FBXO8: variants seen among roughly 807,000 people sequenced by gnomAD.
FBXO8 encodes the protein F-box only protein 8.
Under a neutral mutation model 33.4 loss-of-function variants are expected in FBXO8, and 15 were observed. That is an observed-to-expected ratio of 0.45 (90% CI 0.30 to 0.69). FBXO8 has a LOEUF of 0.69. FBXO8 is among the 30% of genes least tolerant of loss of function. The pLI is 0.08. For missense variants in FBXO8, 274 were observed against 380.3 expected (o/e 0.72, Z 2.32); for synonymous variants, 132 against 131.5 (o/e 1.00, Z -0.02).
rs1314101484 is a variant in FBXO8 at position 174,277,458 on chromosome 4, T to A, written c.-9+5952A>T. On this transcript the variant is annotated intron_variant, in intron 1 of 5. Transcript: ENST00000393674. This position sits in a 1 kb window ranked among gnomAD's most constrained non-coding sequence, Gnocchi z 4.9. ...TGGCACTAAGCACTCAAATGGCACA[T>A]GCTGTGCAGACAATAAGTAATGAAG... Among the ~76,000 whole-genome samples the A allele has an allele frequency of 6.6e-6, 1 of 152,166 alleles. No individual in the cohort carries two copies. Among genetic ancestry groups the A allele is most frequent in the Non-Finnish European group, 1.5e-5 (1 of 67,984 alleles).
chr4:174,256,213 G>C lies in FBXO8; in HGVS notation c.456+3486C>G. 4 of 442,332 alleles carry C rather than the reference G, an allele frequency of 9.0e-6. No homozygotes were observed. Among genetic ancestry groups the C allele is most frequent in the South Asian group, 6.4e-5 (4 of 62,028 alleles). The allele number at this position is 442,332 out of a possible 1,614,324, so 27.4% of individuals were successfully genotyped here. On this transcript the variant is annotated intron_variant, in intron 3 of 5. Coordinates refer to ENST00000393674, the MANE Select transcript of FBXO8 (RefSeq NM_012180.3). This position sits in a 1 kb window ranked among gnomAD's most constrained non-coding sequence, Gnocchi z 4.6. ...TATCAAAATGTTAAGTACAATACTG[G>C]AAATTATGAAAAAGTAGACTTTTTA...
chr4:174,255,688 T>A lies in FBXO8; in HGVS notation c.456+4011A>T, dbSNP rs898685640. Among the ~76,000 whole-genome samples, 1 of 152,102 alleles carries A rather than the reference T, an allele frequency of 6.6e-6. No homozygotes were observed. ...AAACAAAAATAAGCCTATATTAAAGTTAAACCATGTTCACTACCAATTTTT... is the reference window on the plus strand; with the variant it reads ...AAACAAAAATAAGCCTATATTAAAGATAAACCATGTTCACTACCAATTTTT... On this transcript the variant is annotated intron_variant, in intron 3 of 5. Coordinates refer to ENST00000393674, the MANE Select transcript of FBXO8 (RefSeq NM_012180.3). The surrounding 1 kb of genome is among the most constrained non-coding windows in gnomAD (Gnocchi z 4.3).
chr4:174,263,725 A>G lies in FBXO8; in HGVS notation c.-8-625T>C, dbSNP rs1440811836. On this transcript the variant is annotated intron_variant, in intron 1 of 5. Coordinates refer to ENST00000393674, the MANE Select transcript of FBXO8 (RefSeq NM_012180.3). The surrounding 1 kb of genome is among the most constrained non-coding windows in gnomAD (Gnocchi z 4.2). ...ATAGCTCGGTAACAGTAGACTATTTAGTTTTGTTGTTGCCTTAAATTAAAA... is the reference window on the plus strand; with the variant it reads ...ATAGCTCGGTAACAGTAGACTATTTGGTTTTGTTGTTGCCTTAAATTAAAA... Among the ~76,000 whole-genome samples, 1 of 152,184 alleles carries G rather than the reference A, an allele frequency of 6.6e-6. No homozygotes were observed. The highest frequency in any genetic ancestry group is 2.4e-5 in the African/African-American group (1 of 41,446).
In FBXO8 at chr4:174,253,663, GT is replaced by G. The variant is rs1294094561; in HGVS notation, c.456+6035del. ...CATTTCTTCTAGCATCCTAGCTGCA[GT>G]TGTTGAATTATAAGTCTAAGCCAAT... On this transcript the variant is annotated intron_variant, in intron 3 of 5. Transcript: ENST00000393674. The surrounding 1 kb of genome is among the most constrained non-coding windows in gnomAD (Gnocchi z 4.5). 6.6e-6 allele frequency among the ~76,000 whole-genome samples: 1 copy of G among 152,184 alleles called. No homozygotes were observed. The highest frequency in any genetic ancestry group is 1.9e-4 in the East Asian group (1 of 5,192).
Position 174,272,794 on chromosome 4 carries a change from T to C in FBXO8, c.-8-9694A>G, listed in dbSNP as rs959416439. ...ATCAGTCATTAATTACAAGAAAAAA[T>C]TAAGAAATAAGACAAAACCTTAACC... On this transcript the variant is annotated intron_variant, in intron 1 of 5. Coordinates refer to ENST00000393674, the MANE Select transcript of FBXO8 (RefSeq NM_012180.3). This position sits in a 1 kb window ranked among gnomAD's most constrained non-coding sequence, Gnocchi z 4.7. Among the ~76,000 whole-genome samples the C allele has an allele frequency of 6.6e-6, 1 of 151,818 alleles. No individual in the cohort carries two copies. Among genetic ancestry groups the C allele is most frequent in the Non-Finnish European group, 1.5e-5 (1 of 67,942 alleles).
At chr4:174,243,055 A>T (rs1030533383) in intron 3 of FBXO8, among the ~76,000 whole-genome samples, 1 of 151,574 alleles carries the variant, frequency 6.6e-6, no homozygotes, top group African/African-American at 2.4e-5. Context: ...ATGATATCTA[A>T]TTCTCTAGTT....
intron 3 of FBXO8, among the ~76,000 whole-genome samples, chr4:174,242,988 C>T (rs1039824020): frequency 1.4e-4 from 21 of 151,464 alleles, no homozygotes; most frequent in African/African-American, 4.8e-4. Flanking sequence ...AGAACTAATG[C>T]TAAGCTACTT....
intron 4 of FBXO8, among the ~76,000 whole-genome samples, chr4:174,240,077 G>A (rs1735992638): frequency 6.7e-6 from 1 of 150,090 alleles, no homozygotes; most frequent in Non-Finnish European, 1.5e-5. Flanking sequence ...ACCACAGAAT[G>A]GCAGAGTTTT....
In FBXO8 at chr4:174,262,304, G is replaced by C. The variant is rs1579030492; in HGVS notation, c.329+460C>G. On this transcript the variant is annotated intron_variant, in intron 2 of 5. Coordinates refer to ENST00000393674, the MANE Select transcript of FBXO8 (RefSeq NM_012180.3). This position sits in a 1 kb window ranked among gnomAD's most constrained non-coding sequence, Gnocchi z 4.6. ...AAGAAATATAGAATTGAGTAAAAAT[G>C]TAAGGCTCTATATGAAGAAAATTAA... 6.6e-6 allele frequency among the ~76,000 whole-genome samples: 1 copy of C among 152,138 alleles called. No homozygotes were observed. Among genetic ancestry groups the C allele is most frequent in the Non-Finnish European group, 1.5e-5 (1 of 68,012 alleles).
Position 174,253,253 on chromosome 4 carries a change from T to G in FBXO8, c.456+6446A>C, listed in dbSNP as rs984567817. Among the ~76,000 whole-genome samples, 1 of 152,202 alleles carries G rather than the reference T, an allele frequency of 6.6e-6. No homozygotes were observed. Among genetic ancestry groups the G allele is most frequent in the African/African-American group, 2.4e-5 (1 of 41,458 alleles). ...CTTTTATCATAGGATATAGTGCCACTAGAAGGAACCCCAAGACATCTCTTG... is the reference window on the plus strand; with the variant it reads ...CTTTTATCATAGGATATAGTGCCACGAGAAGGAACCCCAAGACATCTCTTG... On this transcript the variant is annotated intron_variant, in intron 3 of 5. Transcript: ENST00000393674. The surrounding 1 kb of genome is among the most constrained non-coding windows in gnomAD (Gnocchi z 4.5).
chr4:174,268,784 T>C (rs1291189670), intron 1 of FBXO8, among the ~76,000 whole-genome samples: 1 of 152,118 alleles, frequency 6.6e-6, no homozygotes, highest in Non-Finnish European at 1.5e-5. Flanking sequence ...ATGTGGGAAA[T>C]GTGGCATTAA....
Position 174,241,155 on chromosome 4 carries a change from T to C in FBXO8, c.520A>G (p.Ile174Val). The change falls in exon 4 of 6, where the codon ATC becomes GTC. Residue 174 changes from isoleucine (I) to valine (V), a missense_variant. Ile to Val is a conservative substitution (Grantham distance 29, BLOSUM62 3). Around this residue, in one of 2 missense-constraint regions of FBXO8, gnomAD observed 186 missense variants for 293.4 expected, o/e 0.63. Coordinates refer to ENST00000393674, the MANE Select transcript of FBXO8 (RefSeq NM_012180.3). This position sits in a 1 kb window ranked among gnomAD's most constrained non-coding sequence, Gnocchi z 4.2. Reference protein sequence around the residue: ...DDSPKEIAKFIFCTRTLNWKK... With the variant: ...DDSPKEIAKFVFCTRTLNWKK... ...CAATTTAGTGTTCTTGTACAGAAGA[T>C]AAACTTTGCTATTTCCTTTGGCGAA... is the stretch of plus-strand genomic sequence containing the variant. 1 of 1,610,608 alleles carries C rather than the reference T, an allele frequency of 6.2e-7. No homozygotes were observed. The highest frequency in any genetic ancestry group is 8.5e-7 in the Non-Finnish European group (1 of 1,177,684).
chr4:174,266,160 G>T (rs1256648491), intron 1 of FBXO8, among the ~76,000 whole-genome samples: 2 of 152,092 alleles, frequency 1.3e-5, no homozygotes, highest in Non-Finnish European at 2.9e-5. Context: ...CTTTAATGGG[G>T]ATCACTTAAA....
intron 1 of FBXO8, among the ~76,000 whole-genome samples, chr4:174,271,001 T>G (rs2126445443): frequency 6.6e-6 from 1 of 152,334 alleles, no homozygotes; most frequent in Non-Finnish European, 1.5e-5. Flanking sequence ...TTGGACTCAC[T>G]TTTGAAACAA....
At chr4:174,269,961 G>A (rs1382064775) in intron 1 of FBXO8, among the ~76,000 whole-genome samples, 3 of 152,084 alleles carry the variant, frequency 2.0e-5, no homozygotes, top group African/African-American at 7.2e-5. Context: ...GTGTCTCAGA[G>A]CTATTATATA....
Position 174,275,970 on chromosome 4 carries a change from G to A in FBXO8, c.-9+7440C>T, listed in dbSNP as rs1736951818. ...CTCTTAGTCTAATAAAAAAGACAAT[G>A]TACATATAAAATACATTAATTAGAA... On this transcript the variant is annotated intron_variant, in intron 1 of 5. Transcript: ENST00000393674. The surrounding 1 kb of genome is among the most constrained non-coding windows in gnomAD (Gnocchi z 4.4). Among the ~76,000 whole-genome samples, 1 of 151,934 alleles carries A rather than the reference G, an allele frequency of 6.6e-6. No homozygotes were observed. Among genetic ancestry groups the A allele is most frequent in the Non-Finnish European group, 1.5e-5 (1 of 67,988 alleles).
intron 3 of FBXO8, among the ~76,000 whole-genome samples, chr4:174,244,009 G>A (rs906217795): frequency 2.0e-5 from 3 of 151,562 alleles, no homozygotes; most frequent in South Asian, 2.1e-4. Flanking sequence ...AAAGAGCGGA[G>A]GGACATAGGA....
rs923382634 is a variant in FBXO8 at position 174,262,653 on chromosome 4, G to C, written c.329+111C>G. On this transcript the variant is annotated intron_variant, in intron 2 of 5. Coordinates refer to ENST00000393674, the MANE Select transcript of FBXO8 (RefSeq NM_012180.3). This position sits in a 1 kb window ranked among gnomAD's most constrained non-coding sequence, Gnocchi z 4.6. ...AGGTTTTAATAAAGAGCATCTCAAA[G>C]TACAAGCCCAAGTTTAAAGAAAATA... 70 of 918,738 alleles carry C rather than the reference G, an allele frequency of 7.6e-5. No individual in the cohort carries two copies. In the Middle Eastern group the frequency reaches 1.0e-3, roughly 13 times the overall value. The allele number at this position is 918,738 out of a possible 1,614,324, so 56.9% of individuals were successfully genotyped here.
chr4:174,249,752 G>A (rs1736243389), intron 3 of FBXO8, among the ~76,000 whole-genome samples: 1 of 151,826 alleles, frequency 6.6e-6, no homozygotes, highest in East Asian at 1.9e-4. Context: ...CATAACTCTG[G>A]ACCCCTAATT....
Sources: gnomAD v4.1 joint callset for allele counts (sites outside exome capture counted in the v4.1 genomes callset) on GRCh38, gnomAD v4.1.1 for gene constraint, gnomAD v4.1.1 regional missense constraint, Gnocchi (gnomAD v3.1) non-coding constraint, MANE v1.5 for transcripts, NCBI Gene and HGNC (gene_info 2026-07-23, HGNC 2026-07-21) for gene names.